The following UGT2B28 variants were observed in gnomAD, a reference collection of about 807,000 sequenced individuals.
UGT2B28 encodes UDP glucuronosyltransferase family 2 member B28, also known as UDP-glucuronosyltransferase 2B28.
UGT2B28 carries 45 observed loss-of-function variants against 43.6 expected under a neutral mutation model. The observed-to-expected ratio is 1.03, with a 90% CI of 0.81 to 1.32. The LOEUF (loss-of-function observed/expected upper bound fraction) is 1.32, where lower values mean the gene tolerates loss of function less well. UGT2B28 is among the 40% of genes most tolerant of loss of function. The pLI is 0.00. For missense variants in UGT2B28, 649 were observed against 625.5 expected (o/e 1.04, Z -0.40); for synonymous variants, 204 against 208.1 (o/e 0.98, Z 0.17).
chr4:69,280,589 C>G lies in UGT2B28; in HGVS notation c.89C>G (p.Thr30Ser), dbSNP rs778371702. The change falls in exon 1 of 6, where the codon ACC becomes AGC. Residue 30 changes from threonine to serine, a missense_variant. Coordinates refer to ENST00000335568, the MANE Select transcript of UGT2B28 (RefSeq NM_053039.2). ...AGTTGTGGAAAGGTGCTGGTGTGGA[C>G]CGGTGAATACAGCCATTGGATGAAT... ...SGSCGKVLVW[T>S]GEYSHWMNMK... 5 of 1,560,268 alleles carry G rather than the reference C, an allele frequency of 3.2e-6. 1 individual carries two copies. In the South Asian group the frequency reaches 5.9e-5, roughly 18 times the overall value.
At chr4:69,285,387 T>A (rs1560565121) in intron 2 of UGT2B28, among the ~76,000 whole-genome samples, 1 of 140,034 alleles carries the variant, frequency 7.1e-6, no homozygotes, top group South Asian at 2.4e-4. Context: ...CCCGTCAATA[T>A]CAGTGATGAA....
Position 69,290,504 on chromosome 4 carries a change from C to T in UGT2B28, c.1091-88C>T. 2 of 1,469,048 alleles carry T rather than the reference C, an allele frequency of 1.4e-6. 1 individual carries two copies. 91.0% of individuals were successfully genotyped at this position (1,469,048 alleles called of 1,614,324 possible). On this transcript the variant is annotated intron_variant, in intron 4 of 5. Coordinates refer to ENST00000335568, the MANE Select transcript of UGT2B28 (RefSeq NM_053039.2). ...ATGGCAAATTAGTTTAATGTGTTAT[C>T]TAGAAAACACTGTCACTTTCAGAGC... is the stretch of plus-strand genomic sequence containing the variant.
Position 69,290,657 on chromosome 4 carries a change from C to T in UGT2B28, c.1156C>T (p.His386Tyr). Residue 386 changes from histidine to tyrosine, a missense_variant, in exon 5 of 6, where the codon CAT becomes TAT. Physicochemically the swap from His to Tyr is moderately conservative, Grantham distance 83. Coordinates refer to ENST00000335568, the MANE Select transcript of UGT2B28 (RefSeq NM_053039.2). ...GANGIYEAIY[H>Y]GIPMVGIPLF... ...CAATGGCATCTATGAGGCAATCTAC[C>T]ATGGGATCCCTATGGTAGGCATTCC... 1.9e-6 allele frequency: 3 copies of T among 1,559,176 alleles called. No individual in the cohort carries two copies. Among genetic ancestry groups the T allele is most frequent in the Non-Finnish European group, 2.6e-6 (3 of 1,155,098 alleles).
chr4:69,290,594 C>T lies in UGT2B28; in HGVS notation c.1093C>T (p.Leu365Phe), dbSNP rs774589830. 26 of 1,551,100 alleles carry T rather than the reference C, an allele frequency of 1.7e-5. 5 individuals are homozygous for T. The highest frequency in any genetic ancestry group is 1.7e-4 in the Middle Eastern group (1 of 5,824). Residue 365 changes from leucine to phenylalanine, a missense_variant and splice_region_variant, in exon 5 of 6, where the codon CTT becomes TTT. By Grantham distance (22) the Leu-to-Phe change is conservative (BLOSUM62 0). Coordinates refer to ENST00000335568, the MANE Select transcript of UGT2B28 (RefSeq NM_053039.2). ...KWIPQNDLLG[L>F]PKTRAFITHG... ...TGCTAAAATTCATCCAATCCTAGGTCTTCCAAAAACCAGAGCTTTTATAAC... is the reference window on the plus strand; with the variant it reads ...TGCTAAAATTCATCCAATCCTAGGTTTTCCAAAAACCAGAGCTTTTATAAC...
At chr4:69,290,257 A>G (rs1396926950) in intron 4 of UGT2B28, among the ~76,000 whole-genome samples, 1 of 139,480 alleles carries the variant, frequency 7.2e-6, no homozygotes, top group Admixed American at 7.2e-5. Flanking sequence ...TGCACACCCC[A>G]CATATCACAC....
chr4:69,290,667 C>T lies in UGT2B28; in HGVS notation c.1166C>T (p.Pro389Leu), dbSNP rs1454750132. 6.4e-7 allele frequency: 1 copy of T among 1,559,094 alleles called. No homozygotes were observed. Among genetic ancestry groups the T allele is most frequent in the African/African-American group, 1.5e-5 (1 of 65,774 alleles). ...TATGAGGCAATCTACCATGGGATCC[C>T]TATGGTAGGCATTCCATTGTTTTGG... Reference protein sequence around the residue: ...GIYEAIYHGIPMVGIPLFWDQ... With the variant: ...GIYEAIYHGILMVGIPLFWDQ... The change falls in exon 5 of 6, where the codon CCT (proline) becomes CTT (leucine). Residue 389 changes from proline to leucine, a missense_variant. Physicochemically the swap from Pro to Leu is moderately conservative, Grantham distance 98. Transcript: ENST00000335568.
Position 69,290,598 on chromosome 4 carries a change from C to T in UGT2B28, c.1097C>T (p.Pro366Leu). The change falls in exon 5 of 6, where the codon CCA becomes CTA. Residue 366 changes from proline (P) to leucine (L), a missense_variant. By Grantham distance (98) the Pro-to-Leu change is moderately conservative. Transcript: ENST00000335568. ...AAAATTCATCCAATCCTAGGTCTTC[C>T]AAAAACCAGAGCTTTTATAACTCAT... ...WIPQNDLLGL[P>L]KTRAFITHGG... 7.1e-6 allele frequency: 11 copies of T among 1,555,924 alleles called. 3 individuals carry two copies. The highest frequency in any genetic ancestry group is 9.5e-6 in the Non-Finnish European group (11 of 1,152,952).
At chr4:69,287,448 C>A (rs1421466747) in intron 3 of UGT2B28, among the ~76,000 whole-genome samples, 1 of 140,654 alleles carries the variant, frequency 7.1e-6, no homozygotes, top group African/African-American at 2.8e-5. Flanking sequence ...ACTCTGGAAG[C>A]TCTTGGTGAA....
rs545632504 is a variant in UGT2B28, at chr4:69,292,067, G to A, written c.1310+1256G>A. Reference sequence around the variant, plus strand: ...TGGAACATTTTTAACTTTTCTATTTGTCTTATTATTAAGTTTTAAGAACTA... The same window carrying A: ...TGGAACATTTTTAACTTTTCTATTTATCTTATTATTAAGTTTTAAGAACTA... On this transcript the variant is annotated intron_variant, in intron 5 of 5. Transcript: ENST00000335568. 2.6e-3 allele frequency among the ~76,000 whole-genome samples: 363 copies of A among 140,010 alleles called. 47 individuals are homozygous for A. The highest frequency in any genetic ancestry group is 7.0e-3 in the Admixed American group (97 of 13,922). The allele number at this position is 140,010 out of a possible 152,430, so 91.9% of individuals were successfully genotyped here. A position where few individuals can be genotyped will look rare whatever the true frequency, so the allele number is the denominator to read the frequency against.
chr4:69,287,914 A>C (rs1220096905), intron 3 of UGT2B28, among the ~76,000 whole-genome samples: 2 of 141,088 alleles, frequency 1.4e-5, no homozygotes, highest in East Asian at 4.0e-4. Flanking sequence ...AGCAAATAAA[A>C]GTTAAACACT....
At position 69,281,863 on chromosome 4, in the gene UGT2B28, C is replaced by T. The variant is rs1209630691; in HGVS notation, c.721+642C>T. Among the ~76,000 whole-genome samples the T allele has an allele frequency of 1.4e-4, 20 of 140,672 alleles. 2 individuals carry two copies. The highest frequency in any genetic ancestry group is 8.6e-4 in the Admixed American group (12 of 14,032). The allele number at this position is 140,672 out of a possible 152,430, so 92.3% of individuals were successfully genotyped here. A position where few individuals can be genotyped will look rare whatever the true frequency, so the allele number is the denominator to read the frequency against. On this transcript the variant is annotated intron_variant, in intron 1 of 5. Transcript: ENST00000335568. ...TTATATCTATATAGTTTATTTGAAACTATGTCTCTTTATTTAAAAATATGA... is the reference window on the plus strand; with the variant it reads ...TTATATCTATATAGTTTATTTGAAATTATGTCTCTTTATTTAAAAATATGA...
At chr4:69,283,537 G>T (rs1211573878) in intron 2 of UGT2B28, among the ~76,000 whole-genome samples, 1 of 140,274 alleles carries the variant, frequency 7.1e-6, no homozygotes, top group African/African-American at 2.8e-5. Flanking sequence ...TGGAAAAGTG[G>T]ACTAGAAAGT....
rs1723596724 is a variant in UGT2B28 at position 69,281,159 on chromosome 4, T to A, written c.659T>A (p.Phe220Tyr). 6.4e-7 allele frequency: 1 copy of A among 1,550,914 alleles called. No individual in the cohort carries two copies. The highest frequency in any genetic ancestry group is 1.5e-5 in the African/African-American group (1 of 65,654). Residue 220 changes from phenylalanine to tyrosine, a missense_variant, in exon 1 of 6, where the codon TTT becomes TAT. Phe to Tyr is a conservative substitution (Grantham distance 22). Transcript: ENST00000335568. ...AAAAACATGATCTATGTGCTTTATT[T>A]TGACTTTTGGTTCCAAATGTGTGAT... ...RVKNMIYVLY[F>Y]DFWFQMCDMK...
At chr4:69,294,498 T>C in intron 5 of UGT2B28, 32 bp from the exon 6 acceptor site, 1 of 1,498,334 alleles carries the variant, frequency 6.7e-7, no homozygotes, top group South Asian at 1.4e-5. Flanking sequence ...TAACTTACTT[T>C]CAGTGTTGGT....
chr4:69,289,502 TA>T lies in UGT2B28; in HGVS notation c.1003-159del, dbSNP rs1173008383. Among the ~76,000 whole-genome samples the T allele has an allele frequency of 1.4e-5, 2 of 141,570 alleles. 1 individual carries two copies. Among genetic ancestry groups the T allele is most frequent in the African/African-American group, 5.5e-5 (2 of 36,432 alleles). The allele number at this position is 141,570 out of a possible 152,430, so 92.9% of individuals were successfully genotyped here. ...GGTTTCTTATATATCTAAATCATTA[TA>T]AAAGTTAAGAAAATAAAATGTGAGT... is the stretch of plus-strand genomic sequence containing the variant. On this transcript the variant is annotated intron_variant, in intron 3 of 5. Transcript: ENST00000335568.
intron 2 of UGT2B28, among the ~76,000 whole-genome samples, chr4:69,283,728 A>T (rs1723690070): frequency 7.1e-6 from 1 of 140,762 alleles, no homozygotes; most frequent in Admixed American, 7.1e-5. Flanking sequence ...ACTACTAACT[A>T]CTTAACATGT....
chr4:69,280,508 T>C lies in UGT2B28; in HGVS notation c.8T>C (p.Leu3Pro). The change falls in exon 1 of 6, where the codon CTG (leucine) becomes CCG (proline). Residue 3 changes from leucine (L) to proline (P), a missense_variant. Transcript: ENST00000335568. ...TGATTGCATTGCACCAGGATGGCTCTGAAGTGGACTTCAGTTCTTCTGCTG... is the reference window on the plus strand; with the variant it reads ...TGATTGCATTGCACCAGGATGGCTCCGAAGTGGACTTCAGTTCTTCTGCTG... MA[L>P]KWTSVLLLIH... 1.9e-6 allele frequency: 3 copies of C among 1,553,658 alleles called. No individual in the cohort carries two copies. Among genetic ancestry groups the C allele is most frequent in the Non-Finnish European group, 2.6e-6 (3 of 1,153,324 alleles).
chr4:69,280,846 C>T lies in UGT2B28; in HGVS notation c.346C>T (p.Leu116=). ...ATATTTTTCACAAGAACAAGAAATC[C>T]TGTGGGAATTTCATGACATATTTAG... ...WLYFSQEQEI[L]WEFHDIFRNF... Residue 116 remains leucine (L), a synonymous_variant, in exon 1 of 6, where the codon CTG becomes TTG. Transcript: ENST00000335568. The T allele has an allele frequency of 1.3e-6, 2 of 1,560,410 alleles. No individual in the cohort carries two copies. Among genetic ancestry groups the T allele is most frequent in the Non-Finnish European group, 1.7e-6 (2 of 1,155,824 alleles).
rs1490993643 is a variant in UGT2B28 at position 69,281,762 on chromosome 4, G to C, written c.721+541G>C. On this transcript the variant is annotated intron_variant, in intron 1 of 5. Coordinates refer to ENST00000335568, the MANE Select transcript of UGT2B28 (RefSeq NM_053039.2). The stretch of plus-strand genomic sequence containing the variant: ...ATCAGGGTAATTTGAAGTTTCTAAT[G>C]TTTCTATACTCCTTCACTAAAGAAT... Among the ~76,000 whole-genome samples the C allele has an allele frequency of 3.6e-5, 5 of 139,872 alleles. 1 individual carries two copies. Among genetic ancestry groups the C allele is most frequent in the African/African-American group, 1.1e-4 (4 of 35,842 alleles). The allele number at this position is 139,872 out of a possible 152,430, so 91.8% of individuals were successfully genotyped here.
Sources: allele counts gnomAD v4.1 joint callset (sites outside exome capture counted in the v4.1 genomes callset), GRCh38; gene constraint gnomAD v4.1.1; transcripts MANE v1.5; gene names NCBI Gene and HGNC (gene_info 2026-07-23, HGNC 2026-07-21).